Variants in GABBR2 observed in about 807,000 individuals in gnomAD.
The protein encoded by GABBR2 is G-protein coupled receptor 51.
In GABBR2, 23 loss-of-function variants were observed where a neutral mutation model predicts 105.6. The observed-to-expected ratio is 0.22, with a 90% CI of 0.16 to 0.31. The LOEUF (loss-of-function observed/expected upper bound fraction) is 0.31, where lower values mean the gene tolerates loss of function less well. GABBR2 is among the 10% of genes least tolerant of loss of function. The pLI, the probability that GABBR2 is intolerant of heterozygous loss-of-function variation, is 1.00. For missense variants in GABBR2, 734 were observed against 1,245.5 expected (o/e 0.59, Z 6.18); for synonymous variants, 478 against 499.7 (o/e 0.96, Z 0.58).
chr9:98,543,649 G>A (rs540824243), intron 2 of GABBR2, among the ~76,000 whole-genome samples: 30 of 152,290 alleles, frequency 2.0e-4, no homozygotes, highest in African/African-American at 3.8e-4. Flanking sequence ...GTGTGCTATC[G>A]CACCCAGCTT....
chr9:98,436,393 ATATATATATATATAGT>A (rs1825925247), intron 7 of GABBR2, among the ~76,000 whole-genome samples: 1 of 45,016 alleles, frequency 2.2e-5, no homozygotes, highest in Non-Finnish European at 4.2e-5. Context: ...ATATATATAT[ATATATATATATATAGT>A]ATGGCGTTCT....
At chr9:98,620,841 C>T (rs754337720) in intron 1 of GABBR2, among the ~76,000 whole-genome samples, 11 of 152,158 alleles carry the variant, frequency 7.2e-5, no homozygotes, top group African/African-American at 1.9e-4. Flanking sequence ...AATCCCACTT[C>T]GCTATCTGCG....
intron 1 of GABBR2, among the ~76,000 whole-genome samples, chr9:98,625,072 G>A (rs1317568495): frequency 6.6e-6 from 1 of 152,174 alleles, no homozygotes; most frequent in Non-Finnish European, 1.5e-5. Context: ...GCCCAGCCAG[G>A]CTACTGTCTG....
intron 15 of GABBR2, among the ~76,000 whole-genome samples, chr9:98,305,508 C>T (rs541264396): frequency 6.6e-6 from 1 of 152,284 alleles, no homozygotes; most frequent in African/African-American, 2.4e-5. Context: ...ATAGTTATGG[C>T]CATATCTTAA....
At chr9:98,527,503 T>C (rs1262966876) in intron 3 of GABBR2, among the ~76,000 whole-genome samples, 3 of 150,342 alleles carry the variant, frequency 2.0e-5, no homozygotes, top group Admixed American at 6.6e-5. Flanking sequence ...ATAATAGGAG[T>C]TCAATGTAGC....
At chr9:98,340,801 C>A (rs145991717) in intron 13 of GABBR2, among the ~76,000 whole-genome samples, 85 of 152,284 alleles carry the variant, frequency 5.6e-4, no homozygotes, top group African/African-American at 2.0e-3. Context: ...GGGACTGCAG[C>A]CTGTATTTCT....
At chr9:98,354,977 G>A (rs1012421436) in intron 13 of GABBR2, among the ~76,000 whole-genome samples, 1 of 152,118 alleles carries the variant, frequency 6.6e-6, no homozygotes, top group Non-Finnish European at 1.5e-5. Context: ...ATTTTGGTTT[G>A]AAGTGAGAGA....
chr9:98,551,610 G>A (rs1237240212), intron 2 of GABBR2, among the ~76,000 whole-genome samples: 2 of 152,122 alleles, frequency 1.3e-5, no homozygotes, highest in Non-Finnish European at 2.9e-5. Flanking sequence ...AGCATGGGGT[G>A]GGAAGAGAGC....
chr9:98,432,835 C>T (rs1052644896), intron 7 of GABBR2, among the ~76,000 whole-genome samples: 3 of 152,156 alleles, frequency 2.0e-5, no homozygotes, highest in Admixed American at 6.5e-5. Context: ...ACTGTCCAAC[C>T]CAGGACATGT....
At chr9:98,397,407 G>T (rs1832313297) in intron 8 of GABBR2, among the ~76,000 whole-genome samples, 1 of 147,752 alleles carries the variant, frequency 6.8e-6, no homozygotes, top group Admixed American at 6.7e-5. Context: ...CAGAGATACA[G>T]AGATTTTTTT....
intron 12 of GABBR2, among the ~76,000 whole-genome samples, chr9:98,370,441 T>C (rs547615037): frequency 2.6e-5 from 4 of 152,038 alleles, no homozygotes; most frequent in African/African-American, 9.6e-5. Flanking sequence ...GCAAGTAAGG[T>C]ATTTCCTGCC....
At chr9:98,461,029 A>G (rs1826416470) in intron 6 of GABBR2, among the ~76,000 whole-genome samples, 1 of 152,242 alleles carries the variant, frequency 6.6e-6, no homozygotes. Context: ...GCCATCTAAA[A>G]TCCTCTATCT....
chr9:98,404,413 C>T (rs568894290), intron 8 of GABBR2, among the ~76,000 whole-genome samples: 57 of 152,160 alleles, frequency 3.7e-4, no homozygotes, highest in Non-Finnish European at 7.5e-4. Flanking sequence ...CTGAAGAACA[C>T]CTCTCCTGAT....
At chr9:98,579,318 G>A (rs1473765094) in intron 1 of GABBR2, among the ~76,000 whole-genome samples, 1 of 152,148 alleles carries the variant, frequency 6.6e-6, no homozygotes, top group Non-Finnish European at 1.5e-5. Context: ...AACAGTTCAC[G>A]GCGACCCAGC....
intron 1 of GABBR2, among the ~76,000 whole-genome samples, chr9:98,627,306 C>T (rs1030273513): frequency 5.3e-5 from 8 of 152,102 alleles, no homozygotes; most frequent in African/African-American, 1.4e-4. Context: ...CCAAATTCCT[C>T]CTGAGAAAGG....
At chr9:98,691,356 G>A (rs1213391471) in intron 1 of GABBR2, among the ~76,000 whole-genome samples, 7 of 152,130 alleles carry the variant, frequency 4.6e-5, no homozygotes, top group Non-Finnish European at 1.0e-4. Flanking sequence ...GAGTTACAGG[G>A]CTTGTCACCC....
chr9:98,321,207 A>G (rs1248227086), intron 13 of GABBR2, among the ~76,000 whole-genome samples: 1 of 152,108 alleles, frequency 6.6e-6, no homozygotes, highest in Admixed American at 6.5e-5. Flanking sequence ...GACGTGGGAC[A>G]AGAAACTATT....
chr9:98,482,009 G>C (rs1193975836), intron 4 of GABBR2, among the ~76,000 whole-genome samples: 1 of 152,120 alleles, frequency 6.6e-6, no homozygotes, highest in African/African-American at 2.4e-5. Context: ...CAGGCTGAAA[G>C]AGAACGGGTG....
At chr9:98,587,981 T>A (rs1829099444) in intron 1 of GABBR2, among the ~76,000 whole-genome samples, 1 of 152,206 alleles carries the variant, frequency 6.6e-6, no homozygotes, top group Non-Finnish European at 1.5e-5. Flanking sequence ...ATGTCTGGAA[T>A]GAGAATCATC....
Sources: gnomAD v4.1 joint callset for allele counts (sites outside exome capture counted in the v4.1 genomes callset) on GRCh38, gnomAD v4.1.1 for gene constraint, MANE v1.5 for transcripts, NCBI Gene and HGNC (gene_info 2026-07-23, HGNC 2026-07-21) for gene names.